Variants in DACH1 observed in about 807,000 individuals in gnomAD.
DACH1 encodes the protein dachshund homolog 1.
Under a neutral mutation model 54.2 loss-of-function variants are expected in DACH1, and 12 were observed. That is an observed-to-expected ratio of 0.22 (90% confidence interval 0.14 to 0.36). The LOEUF (loss-of-function observed/expected upper bound fraction) is 0.36. Ranked by LOEUF, DACH1 falls within the 10% of genes least tolerant of loss-of-function variation. The pLI is 1.00. For synonymous variants in DACH1, 386 were observed against 366.2 expected (o/e 1.05, Z -0.62); for missense variants, 805 against 929.8 (o/e 0.87, Z 1.75).
Position 71,631,780 on chromosome 13 carries a change from G to T in DACH1, c.965-1063C>A, listed in dbSNP as rs377496826. ...TCATCTTCATCCATCCAGAGAACAG[G>T]GGGTAGAGGCAGACATTAAATTAGA... On this transcript the variant is annotated intron_variant, in intron 2 of 10. Transcript: ENST00000613252. Among the ~76,000 whole-genome samples, 7 of 152,176 alleles carry T rather than the reference G, an allele frequency of 4.6e-5. 1 individual carries two copies. In the East Asian group the frequency reaches 1.4e-3, roughly 29 times the overall value.
At chr13:71,682,509 C>T (rs1307740781) in intron 1 of DACH1, among the ~76,000 whole-genome samples, 1 of 152,106 alleles carries the variant, frequency 6.6e-6, no homozygotes, top group African/African-American at 2.4e-5. Context: ...AATGACAATA[C>T]ATATCTAATG....
chr13:71,458,919 A>G (rs1178086224), intron 10 of DACH1, among the ~76,000 whole-genome samples: 3 of 151,866 alleles, frequency 2.0e-5, no homozygotes, highest in Non-Finnish European at 4.4e-5. Context: ...TTATAAGTGA[A>G]TTAGAAAGGA....
intron 4 of DACH1, among the ~76,000 whole-genome samples, chr13:71,562,005 T>C (rs556403088): frequency 6.6e-5 from 10 of 151,954 alleles, no homozygotes; most frequent in African/African-American, 2.4e-4. Context: ...AAAACAATAT[T>C]GTAAAGGAAA....
intron 6 of DACH1, among the ~76,000 whole-genome samples, chr13:71,505,403 T>C (rs142277545): frequency 1.2e-3 from 182 of 152,268 alleles, no homozygotes; most frequent in African/African-American, 4.1e-3. Flanking sequence ...TAATAGTATA[T>C]TTAGAAGGCT....
At position 71,545,188 on chromosome 13, in the gene DACH1, C is replaced by T. The variant is rs114004363; in HGVS notation, c.1570+11836G>A. On this transcript the variant is annotated intron_variant, in intron 6 of 10. Coordinates refer to ENST00000613252, the MANE Select transcript of DACH1 (RefSeq NM_080759.6). ...AAGGTCACGGACATTCGCTAATTTC[C>T]CAAGTTCGAAATTTTAACCAGGACT... Among the ~76,000 whole-genome samples, 1,513 of 152,014 alleles carry T rather than the reference C, an allele frequency of 1.0e-2. 25 individuals carry two copies. Among genetic ancestry groups the T allele is most frequent in the African/African-American group, 0.034 (1,426 of 41,494 alleles).
intron 1 of DACH1, among the ~76,000 whole-genome samples, chr13:71,806,938 T>A (rs1327692879): frequency 6.6e-6 from 1 of 152,192 alleles, no homozygotes; most frequent in Non-Finnish European, 1.5e-5. Context: ...AAAATAGAGA[T>A]GAGTTTACAT....
At chr13:71,484,894 C>G (rs1005434865) in intron 7 of DACH1, among the ~76,000 whole-genome samples, 5 of 151,886 alleles carry the variant, frequency 3.3e-5, no homozygotes, top group East Asian at 3.9e-4. Context: ...AAATGCATCT[C>G]TACTAAAATG....
intron 1 of DACH1, among the ~76,000 whole-genome samples, chr13:71,723,246 T>TTA (rs1883310198): frequency 3.0e-5 from 4 of 133,558 alleles, no homozygotes; most frequent in East Asian, 2.1e-4. Flanking sequence ...CTACACAAAT[T>TTA]AAAAAAAAAA....
chr13:71,637,011 T>A (rs961101420), intron 2 of DACH1, among the ~76,000 whole-genome samples: 1 of 152,160 alleles, frequency 6.6e-6, no homozygotes, highest in Non-Finnish European at 1.5e-5. Context: ...GATATTCCAC[T>A]AAAGTATTTT....
chr13:71,503,620 A>C (rs1010249331), intron 6 of DACH1, among the ~76,000 whole-genome samples: 2 of 152,242 alleles, frequency 1.3e-5, no homozygotes, highest in Non-Finnish European at 2.9e-5. Flanking sequence ...CCTGTGCAGC[A>C]AAAGAGACTA....
In DACH1 at chr13:71,543,162, G is replaced by A. The variant is rs184736208; in HGVS notation, c.1570+13862C>T. 5.9e-5 allele frequency among the ~76,000 whole-genome samples: 9 copies of A among 152,226 alleles called. 1 individual carries two copies. Among genetic ancestry groups the A allele is most frequent in the Middle Eastern group, 6.8e-3 (2 of 294 alleles). On this transcript the variant is annotated intron_variant, in intron 6 of 10. Transcript: ENST00000613252. ...TGTTTATGGTATGTGAAGAATTTAG[G>A]TTGTATGTTTATTGGGATCTGAAGG...
chr13:71,525,593 C>A (rs1396639009), intron 6 of DACH1, among the ~76,000 whole-genome samples: 1 of 151,930 alleles, frequency 6.6e-6, no homozygotes, highest in Non-Finnish European at 1.5e-5. Flanking sequence ...TGAGGACTAC[C>A]CAAGTCCTCA....
At chr13:71,772,267 T>C (rs1885888013) in intron 1 of DACH1, among the ~76,000 whole-genome samples, 1 of 151,704 alleles carries the variant, frequency 6.6e-6, no homozygotes, top group African/African-American at 2.4e-5. Flanking sequence ...TCTTTATGAA[T>C]ATGTGAGCAT....
chr13:71,607,668 T>C, intron 3 of DACH1, among the ~76,000 whole-genome samples: 1 of 152,028 alleles, frequency 6.6e-6, no homozygotes, highest in East Asian at 1.9e-4. Flanking sequence ...ATTCTCTGGA[T>C]GAAAGTGACT....
At chr13:71,779,211 AT>A (rs1886236651) in intron 1 of DACH1, among the ~76,000 whole-genome samples, 1 of 109,882 alleles carries the variant, frequency 9.1e-6, no homozygotes, top group African/African-American at 4.4e-5. Context: ...ATATGTGTAT[AT>A]ATATACGTAT....
At chr13:71,475,962 G>A (rs1877487007) in intron 8 of DACH1, 113 bp from the exon 9 acceptor site, 2 of 758,176 alleles carry the variant, frequency 2.6e-6, no homozygotes, top group Non-Finnish European at 3.7e-6. Flanking sequence ...CTGCTGAACT[G>A]AGTCTACCTA....
intron 6 of DACH1, among the ~76,000 whole-genome samples, chr13:71,510,644 T>C (rs1880707153): frequency 6.6e-6 from 1 of 152,062 alleles, no homozygotes; most frequent in African/African-American, 2.4e-5. Flanking sequence ...GCCATTAATA[T>C]ATTTTTTCAA....
chr13:71,808,157 T>C (rs1328385617), intron 1 of DACH1, among the ~76,000 whole-genome samples: 2 of 152,150 alleles, frequency 1.3e-5, no homozygotes, highest in African/African-American at 4.8e-5. Flanking sequence ...TCTTTTATAT[T>C]TCTGTGTCTT....
At chr13:71,599,650 T>C (rs1158954363) in intron 3 of DACH1, among the ~76,000 whole-genome samples, 5 of 152,118 alleles carry the variant, frequency 3.3e-5, no homozygotes, top group Admixed American at 3.3e-4. Context: ...CCCTGAATGA[T>C]AAACCTCCTT....
Sources: gnomAD v4.1 joint callset for allele counts (sites outside exome capture counted in the v4.1 genomes callset) on GRCh38, gnomAD v4.1.1 for gene constraint, MANE v1.5 for transcripts, NCBI Gene and HGNC (gene_info 2026-07-23, HGNC 2026-07-21) for gene names.